Variants in NTRK3 observed in about 807,000 individuals in gnomAD.
The protein encoded by NTRK3 is neurotrophic receptor tyrosine kinase 3, also known as NT-3 growth factor receptor.
In NTRK3, 24 loss-of-function variants were observed where a neutral mutation model predicts 91.7. The ratio of observed to expected loss-of-function variants is 0.26; its 90% CI spans 0.19 to 0.37. The LOEUF (loss-of-function observed/expected upper bound fraction) is 0.37. Ranked by LOEUF, NTRK3 falls within the 10% of genes least tolerant of loss-of-function variation. The pLI, the probability that NTRK3 is intolerant of heterozygous loss-of-function variation, is 1.00. For missense variants in NTRK3, 880 were observed against 1,068.9 expected, an observed-to-expected ratio of 0.82 and a Z score of 2.46; for synonymous variants, 483 against 404.0, an observed-to-expected ratio of 1.20 and a Z score of -2.34.
At chr15:88,032,967 G>A (rs768882070) in exon 14 of NTRK3, 17 of 1,612,354 alleles carry the variant, frequency 1.1e-5, no homozygotes, top group Admixed American at 3.3e-5. Context: ...ATCCAGTGAC[G>A]AGGGCGTGGT....
intron 17 of NTRK3, chr15:87,908,631 G>A (rs2066911414): frequency 5.0e-6 from 2 of 399,338 alleles, no homozygotes; most frequent in Admixed American, 4.4e-5. Context: ...GGAGAGGAAG[G>A]AAGCATGGAA....
intron 13 of NTRK3, among the ~76,000 whole-genome samples, chr15:88,094,530 C>T (rs1297962821): frequency 1.3e-5 from 2 of 151,474 alleles, no homozygotes; most frequent in Non-Finnish European, 2.9e-5. Context: ...CCAGCAGCGT[C>T]CCCAAAGCAG....
chr15:88,033,102 G>A (rs2142026295), intron 13 of NTRK3, 57 bp from the exon 14 acceptor site: 2 of 1,520,254 alleles, frequency 1.3e-6, no homozygotes, highest in South Asian at 2.4e-5. Context: ...CCAGTTTCCA[G>A]CCCTGTCCAC....
At chr15:88,111,189 C>T (rs2051310605) in intron 13 of NTRK3, among the ~76,000 whole-genome samples, 1 of 152,218 alleles carries the variant, frequency 6.6e-6, no homozygotes, top group African/African-American at 2.4e-5. Context: ...TGCTGCTTCA[C>T]ACCTGCCTAA....
At chr15:88,064,956 C>G (rs1267699515) in intron 13 of NTRK3, among the ~76,000 whole-genome samples, 1 of 152,192 alleles carries the variant, frequency 6.6e-6, no homozygotes, top group African/African-American at 2.4e-5. Flanking sequence ...TCTCATCTTG[C>G]TTTTCTTCGT....
At chr15:87,940,254 T>C (rs1042938698) in intron 15 of NTRK3, among the ~76,000 whole-genome samples, 1 of 152,084 alleles carries the variant, frequency 6.6e-6, no homozygotes, top group Non-Finnish European at 1.5e-5. Context: ...TACTGAGAAA[T>C]GGCCATGTGA....
Position 87,916,382 on chromosome 15 carries a change from T to C in NTRK3, c.2133+12809A>G, listed in dbSNP as rs2067446677. On this transcript the variant is annotated intron_variant, in intron 17 of 18. Coordinates refer to ENST00000394480, the Ensembl canonical transcript of NTRK3. ...TGTTATGACACATCCGTAAGGGCCC[T>C]CCACAGGAGTAGAGAGACGTGAATG... 8.9e-6 allele frequency: 5 copies of C among 562,322 alleles called. No individual in the cohort carries two copies. In the South Asian group the frequency reaches 1.2e-4, roughly 13 times the overall value. 34.8% of individuals were successfully genotyped at this position (562,322 alleles called of 1,614,324 possible).
At chr15:88,184,037 G>A (rs1003611620) in intron 4 of NTRK3, among the ~76,000 whole-genome samples, 188 bp downstream of exon 4, 3 of 152,216 alleles carry the variant, frequency 2.0e-5, no homozygotes, top group Non-Finnish European at 4.4e-5. Flanking sequence ...ACAAAGGGGT[G>A]TGAAGAGATG....
At chr15:88,227,673 C>A (rs890883540) in intron 3 of NTRK3, among the ~76,000 whole-genome samples, 1 of 152,146 alleles carries the variant, frequency 6.6e-6, no homozygotes, top group Admixed American at 6.5e-5. Flanking sequence ...GACACCCAGT[C>A]TGTGGGACTT....
intron 13 of NTRK3, 69 bp downstream of exon 13, chr15:88,126,202 A>T: frequency 8.5e-7 from 1 of 1,180,682 alleles, no homozygotes; most frequent in South Asian, 1.2e-5. Flanking sequence ...AGATTAAAAC[A>T]GTATCTTTTG....
intron 14 of NTRK3, among the ~76,000 whole-genome samples, chr15:87,960,956 C>T (rs1343428697): frequency 1.3e-5 from 2 of 152,224 alleles, no homozygotes; most frequent in African/African-American, 2.4e-5. Context: ...CCACTTCACC[C>T]CCCTGACTTT....
At chr15:87,874,684 T>C (rs1039263935) in exon 19 of NTRK3, 4 of 232,610 alleles carry the variant, frequency 1.7e-5, no homozygotes, top group Non-Finnish European at 3.4e-5. Context: ...AAGATACTTT[T>C]CCCTCAGGCG....
intron 17 of NTRK3, among the ~76,000 whole-genome samples, chr15:87,905,636 A>G (rs1324434763): frequency 6.6e-6 from 1 of 152,182 alleles, no homozygotes; most frequent in African/African-American, 2.4e-5. Flanking sequence ...GACAGACAGG[A>G]AATTTAGGAT....
chr15:88,162,427 C>G (rs963201552), intron 5 of NTRK3, among the ~76,000 whole-genome samples: 1 of 152,108 alleles, frequency 6.6e-6, no homozygotes, highest in African/African-American at 2.4e-5. Flanking sequence ...GAGAACACCT[C>G]CAAAGCCAAC....
rs531606960 is a variant in NTRK3, at chr15:87,977,049, G to A, written c.1586-36296C>T. ...GGTCTCAGTGGCCTGAGTAGTGTCT[G>A]TAGAAGTCAGATTTGAATCTTGCTT... On this transcript the variant is annotated intron_variant, in intron 14 of 18. Transcript: ENST00000394480. 4.9e-4 allele frequency among the ~76,000 whole-genome samples: 75 copies of A among 152,312 alleles called. No individual in the cohort carries two copies. The South Asian group carries it at 7.7e-3, about 16-fold the overall frequency.
intron 5 of NTRK3, among the ~76,000 whole-genome samples, chr15:88,163,934 G>A (rs773279478): frequency 6.6e-6 from 1 of 152,172 alleles, no homozygotes; most frequent in Non-Finnish European, 1.5e-5. Context: ...GTGAACAAAA[G>A]AGAGGAGCAA....
rs945316288 is a variant in NTRK3 at position 88,233,795 on chromosome 15, C to CCT, written c.248+22110_248+22111insAG. 2.0e-5 allele frequency among the ~76,000 whole-genome samples: 3 copies of CCT among 151,930 alleles called. No individual in the cohort carries two copies. Among genetic ancestry groups the CCT allele is most frequent in the African/African-American group, 7.3e-5 (3 of 41,340 alleles). Reference sequence around the variant, plus strand: ...CTCCTCCCCTGACATCCAGTGCTCCCCCTCCCTGCCTTGTCCAAGAGAATC... The same window carrying CCT: ...CTCCTCCCCTGACATCCAGTGCTCCCCTCCTCCCTGCCTTGTCCAAGAGAATC... On this transcript the variant is annotated intron_variant, in intron 3 of 18. Coordinates refer to ENST00000394480, the Ensembl canonical transcript of NTRK3. This position sits in a 1 kb window ranked among gnomAD's most constrained non-coding sequence, Gnocchi z 4.2.
intron 14 of NTRK3, among the ~76,000 whole-genome samples, chr15:88,017,826 C>T (rs2077344721): frequency 6.6e-6 from 1 of 152,196 alleles, no homozygotes; most frequent in Admixed American, 6.5e-5. Flanking sequence ...TATTTAAAAT[C>T]TATTTTCAGA....
At chr15:88,003,364 G>A (rs544262191) in intron 14 of NTRK3, among the ~76,000 whole-genome samples, 113 of 152,352 alleles carry the variant, frequency 7.4e-4, no homozygotes, top group Middle Eastern at 3.4e-3. Context: ...GCCAGTGTGC[G>A]TCAGAGCTCC....
Sources: gnomAD v4.1 joint callset for allele counts (sites outside exome capture counted in the v4.1 genomes callset) on GRCh38, gnomAD v4.1.1 for gene constraint, Gnocchi (gnomAD v3.1) non-coding constraint, MANE v1.5 for transcripts, NCBI Gene and HGNC (gene_info 2026-07-23, HGNC 2026-07-21) for gene names.